Variants in SCFD1 observed in about 807,000 individuals in gnomAD.
SCFD1 encodes sec1 family domain containing 1.
Under a neutral mutation model 103.2 loss-of-function variants are expected in SCFD1, and 37 were observed. The ratio of observed to expected loss-of-function variants is 0.36; its 90% CI spans 0.28 to 0.47. The LOEUF is 0.47. Among genes scored for constraint, SCFD1 ranks in the 20% least tolerant of loss-of-function variants. SCFD1 has a pLI of 1.00. For synonymous variants in SCFD1, 264 were observed against 245.0 expected (o/e 1.08, Z -0.73); for missense variants, 639 against 761.2 (o/e 0.84, Z 1.89).
At chr14:30,698,485 T>C (rs1219417892) in intron 15 of SCFD1, among the ~76,000 whole-genome samples, 1 of 152,196 alleles carries the variant, frequency 6.6e-6, no homozygotes, top group Non-Finnish European at 1.5e-5. Flanking sequence ...GCAAAGTAAG[T>C]ATCTACTATT....
At chr14:30,674,338 T>C (rs971781586) in intron 13 of SCFD1, among the ~76,000 whole-genome samples, 1 of 152,150 alleles carries the variant, frequency 6.6e-6, no homozygotes, top group Admixed American at 6.5e-5. Flanking sequence ...TTCTGTACTT[T>C]GAATGCCATT....
At chr14:30,635,597 C>CT (rs1884640555) in intron 4 of SCFD1, among the ~76,000 whole-genome samples, 1 of 152,098 alleles carries the variant, frequency 6.6e-6, no homozygotes, top group African/African-American at 2.4e-5. Flanking sequence ...TACCTTATTC[C>CT]TTTTCGTGGC....
chr14:30,624,308 CAGGG>C (rs900763850), intron 1 of SCFD1, among the ~76,000 whole-genome samples: 20 of 152,312 alleles, frequency 1.3e-4, no homozygotes, highest in Admixed American at 9.2e-4. Context: ...CTCAACATTG[CAGGG>C]TCCCATTAGT....
intron 14 of SCFD1, among the ~76,000 whole-genome samples, chr14:30,683,778 C>T (rs1489435630): frequency 6.6e-6 from 1 of 152,216 alleles, no homozygotes; most frequent in Non-Finnish European, 1.5e-5. Flanking sequence ...TTCCCTGTAC[C>T]TCCTGAGAAG....
chr14:30,704,426 A>G (rs954198059), intron 17 of SCFD1, among the ~76,000 whole-genome samples: 1 of 152,224 alleles, frequency 6.6e-6, no homozygotes, highest in Non-Finnish European at 1.5e-5. Flanking sequence ...AGTTCATGGA[A>G]GTATTTACTG....
intron 11 of SCFD1, among the ~76,000 whole-genome samples, chr14:30,672,615 G>A (rs1393697491): frequency 6.6e-6 from 1 of 152,144 alleles, no homozygotes; most frequent in Non-Finnish European, 1.5e-5. Context: ...GTCAAGATTA[G>A]TACAGTGTTT....
intron 1 of SCFD1, among the ~76,000 whole-genome samples, chr14:30,627,074 T>A (rs1883545148): frequency 6.6e-6 from 1 of 152,190 alleles, no homozygotes; most frequent in African/African-American, 2.4e-5. Flanking sequence ...GGCTGTCAAT[T>A]TTATAAAAAT....
In SCFD1 at chr14:30,650,219, G is replaced by A. The variant is rs771440459; in HGVS notation, c.670-346G>A. Among the ~76,000 whole-genome samples, 39 of 152,024 alleles carry A rather than the reference G, an allele frequency of 2.6e-4. 1 individual carries two copies. Among genetic ancestry groups the A allele is most frequent in the Admixed American group, 9.2e-4 (14 of 15,256 alleles). ...TTCACTCCTACCCACCCAAGTCAAC[G>A]TTTTCTCCATATAGACACCTTCCTT... On this transcript the variant is annotated intron_variant, in intron 8 of 24. Transcript: ENST00000458591.
rs906747993 is a variant in SCFD1 at position 30,702,446 on chromosome 14, T to C, written c.1490+71T>C. The C allele has an allele frequency of 5.4e-6, 5 of 921,244 alleles. No individual in the cohort carries two copies. In the Admixed American group the frequency reaches 1.3e-4, roughly 24 times the overall value. The allele number at this position is 921,244 out of a possible 1,614,324, so 57.1% of individuals were successfully genotyped here. A position where few individuals can be genotyped will look rare whatever the true frequency, so the allele number is the denominator to read the frequency against. The stretch of plus-strand genomic sequence containing the variant: ...AATTGAGGCTTCATTCCCAAGAAAA[T>C]GGGAATGCTAATAAGAAAACTGAAC... On this transcript the variant is annotated intron_variant, in intron 17 of 24. Coordinates refer to ENST00000458591, the MANE Select transcript of SCFD1 (RefSeq NM_016106.4).
intron 10 of SCFD1, among the ~76,000 whole-genome samples, chr14:30,669,411 A>C (rs1228697027): frequency 6.6e-6 from 1 of 152,112 alleles, no homozygotes; most frequent in Non-Finnish European, 1.5e-5. Context: ...GCATTAAACC[A>C]TAAAATGCTG....
At chr14:30,705,132 T>C (rs533754708) in intron 17 of SCFD1, among the ~76,000 whole-genome samples, 1 of 152,280 alleles carries the variant, frequency 6.6e-6, no homozygotes, top group East Asian at 1.9e-4. Flanking sequence ...CTGTATGCAA[T>C]TAAGTGTAAA....
At position 30,677,827 on chromosome 14, in the gene SCFD1, C is replaced by CTTTTTTTTTTTTTTTTTTT. The variant is rs58942207; in HGVS notation, c.1242+2775_1242+2793dup. Among the ~76,000 whole-genome samples, 4 of 67,512 alleles carry CTTTTTTTTTTTTTTTTTTT rather than the reference C, an allele frequency of 5.9e-5. 1 individual carries two copies. The highest frequency in any genetic ancestry group is 2.6e-4 in the African/African-American group (4 of 15,258). The allele number at this position is 67,512 out of a possible 152,430, so 44.3% of individuals were successfully genotyped here. A position where few individuals can be genotyped will look rare whatever the true frequency, so the allele number is the denominator to read the frequency against. Reference sequence around the variant, plus strand: ...TGTGAACATACATTCACCTAAGCACCTTTTTTTTTTTTTTTTTTTTTTTTT... The same window carrying CTTTTTTTTTTTTTTTTTTT: ...TGTGAACATACATTCACCTAAGCACCTTTTTTTTTTTTTTTTTTTTTTTTTTTTTTTTTTTTTTTTTTTT... On this transcript the variant is annotated intron_variant, in intron 14 of 24. Coordinates refer to ENST00000458591, the MANE Select transcript of SCFD1 (RefSeq NM_016106.4).
chr14:30,727,960 T>TC (rs1296701072), intron 23 of SCFD1, among the ~76,000 whole-genome samples: 1 of 152,210 alleles, frequency 6.6e-6, no homozygotes, highest in African/African-American at 2.4e-5. Context: ...ATTCCATCAT[T>TC]CCTCAGACAG....
chr14:30,637,316 G>A (rs1219606396), intron 4 of SCFD1, among the ~76,000 whole-genome samples: 1 of 151,982 alleles, frequency 6.6e-6, no homozygotes, highest in East Asian at 1.9e-4. Context: ...TCCTTTCTCA[G>A]AGTGAAAAAC....
In SCFD1 at chr14:30,695,214, A is replaced by G. The variant is rs1319274620; in HGVS notation, c.1339+345A>G. Among the ~76,000 whole-genome samples the G allele has an allele frequency of 7.9e-5, 12 of 152,210 alleles. 1 individual carries two copies. The highest frequency in any genetic ancestry group is 1.5e-5 in the Non-Finnish European group (1 of 68,034). On this transcript the variant is annotated intron_variant, in intron 15 of 24. Transcript: ENST00000458591. ...TCTCTAAGTGATTCGCTTCCTAATTACTTTGGTCTACCCTCAATTTCCTGA... is the reference window on the plus strand; with the variant it reads ...TCTCTAAGTGATTCGCTTCCTAATTGCTTTGGTCTACCCTCAATTTCCTGA...
At chr14:30,672,795 G>T (rs995924172) in intron 11 of SCFD1, among the ~76,000 whole-genome samples, 2 of 152,260 alleles carry the variant, frequency 1.3e-5, no homozygotes, top group Middle Eastern at 3.4e-3. Context: ...TGAGTTACAA[G>T]AATTTTTTCA....
chr14:30,682,082 A>G (rs1023512230), intron 14 of SCFD1, among the ~76,000 whole-genome samples: 2 of 152,216 alleles, frequency 1.3e-5, no homozygotes, highest in Admixed American at 1.3e-4. Flanking sequence ...GGAGTTAGAT[A>G]ACAAGTTGAG....
chr14:30,673,234 G>A (rs1888713914), intron 11 of SCFD1, 23 bp from the exon 12 acceptor site: 9 of 1,338,520 alleles, frequency 6.7e-6, no homozygotes, highest in Non-Finnish European at 9.3e-6. Context: ...CATCCTCATA[G>A]TTCTTGTGCA....
intron 14 of SCFD1, among the ~76,000 whole-genome samples, chr14:30,693,413 G>T (rs761411113): frequency 5.5e-4 from 83 of 152,068 alleles, no homozygotes; most frequent in Non-Finnish European, 9.3e-4. Context: ...ATTCATTTTT[G>T]AACTATCTGG....
Sources: gnomAD v4.1 joint callset for allele counts (sites outside exome capture counted in the v4.1 genomes callset) on GRCh38, gnomAD v4.1.1 for gene constraint, MANE v1.5 for transcripts, NCBI Gene and HGNC (gene_info 2026-07-23, HGNC 2026-07-21) for gene names.